Variants in EYS observed in about 807,000 individuals in gnomAD.
EYS encodes protein eyes shut homolog.
EYS carries 250 observed loss-of-function variants against 282.1 expected under a neutral mutation model. That is an observed-to-expected ratio of 0.89 (90% CI 0.80 to 0.98). EYS has a LOEUF of 0.98. Ranked by LOEUF, EYS falls within the 50% of genes least tolerant of loss-of-function variation. EYS has a pLI of 0.00. For missense variants in EYS, 4,016 were observed against 3,709.0 expected, an observed-to-expected ratio of 1.08 and a Z score of -2.15; for synonymous variants, 1,355 against 1,282.9, an observed-to-expected ratio of 1.06 and a Z score of -1.20.
intron 9 of EYS, among the ~76,000 whole-genome samples, chr6:65,351,692 C>T (rs1038930293): frequency 2.6e-5 from 4 of 151,706 alleles, no homozygotes; most frequent in South Asian, 4.1e-4. Flanking sequence ...AGTGCAAAAA[C>T]GATGCAAGCA....
At chr6:64,543,716 A>G (rs1455632597) in intron 26 of EYS, among the ~76,000 whole-genome samples, 1 of 152,144 alleles carries the variant, frequency 6.6e-6, no homozygotes, top group African/African-American at 2.4e-5. Context: ...TCTCACTTAC[A>G]CACTAGTTAT....
intron 26 of EYS, among the ~76,000 whole-genome samples, chr6:64,569,254 T>A (rs1765647567): frequency 6.6e-6 from 1 of 151,894 alleles, no homozygotes; most frequent in African/African-American, 2.4e-5. Context: ...GAAAAAAGGT[T>A]AGCGGGATTG....
chr6:65,464,456 G>T (rs1231891169), intron 5 of EYS, among the ~76,000 whole-genome samples: 1 of 152,110 alleles, frequency 6.6e-6, no homozygotes, highest in Admixed American at 6.6e-5. Flanking sequence ...TGTGAAAACT[G>T]AAAATAAGAC....
chr6:64,779,570 C>T (rs1773794176), intron 22 of EYS, among the ~76,000 whole-genome samples: 1 of 151,982 alleles, frequency 6.6e-6, no homozygotes, highest in Non-Finnish European at 1.5e-5. Context: ...GGATACATGC[C>T]ATTATACATT....
chr6:65,414,903 G>A (rs1318401569), intron 5 of EYS, among the ~76,000 whole-genome samples: 1 of 152,026 alleles, frequency 6.6e-6, no homozygotes, highest in African/African-American at 2.4e-5. Context: ...GCAGAGTTGT[G>A]CTATCAATGT....
intron 2 of EYS, among the ~76,000 whole-genome samples, chr6:65,610,308 AG>A (rs1307589356): frequency 6.6e-6 from 1 of 151,652 alleles, no homozygotes; most frequent in Non-Finnish European, 1.5e-5. Context: ...AACATATCAG[AG>A]TTTGTCTACT....
At chr6:64,187,139 C>G (rs1235964611) in intron 31 of EYS, among the ~76,000 whole-genome samples, 1 of 152,052 alleles carries the variant, frequency 6.6e-6, no homozygotes, top group Admixed American at 6.6e-5. Flanking sequence ...TGTTAGCTTC[C>G]TCTTCCCCAA....
chr6:63,946,946 C>G (rs758348680), intron 35 of EYS, among the ~76,000 whole-genome samples: 2 of 150,760 alleles, frequency 1.3e-5, no homozygotes, highest in Non-Finnish European at 3.0e-5. Context: ...TCATATACCC[C>G]ATAAATATAT....
At chr6:63,766,537 G>A (rs1769792960) in intron 40 of EYS, among the ~76,000 whole-genome samples, 1 of 152,036 alleles carries the variant, frequency 6.6e-6, no homozygotes, top group Non-Finnish European at 1.5e-5. Flanking sequence ...GGTTGAAGTA[G>A]ATGTGAGAGG....
chr6:64,521,013 G>A (rs1777717398), intron 26 of EYS, among the ~76,000 whole-genome samples: 1 of 151,736 alleles, frequency 6.6e-6, no homozygotes, highest in Admixed American at 6.6e-5. Flanking sequence ...AAGGATCAGA[G>A]ACCCTCATCC....
intron 22 of EYS, among the ~76,000 whole-genome samples, chr6:64,682,189 C>A (rs1332456730): frequency 2.0e-5 from 3 of 152,120 alleles, no homozygotes; most frequent in African/African-American, 7.2e-5. Flanking sequence ...AGGGTGAAAT[C>A]CTGTCTCTAC....
intron 5 of EYS, among the ~76,000 whole-genome samples, chr6:65,485,970 T>C (rs986831189): frequency 2.6e-5 from 4 of 152,216 alleles, no homozygotes; most frequent in Admixed American, 6.5e-5. Context: ...GGTAGTGCCA[T>C]TGGGAATTTG....
chr6:65,316,991 A>G (rs1204153201), intron 11 of EYS, among the ~76,000 whole-genome samples: 2 of 152,148 alleles, frequency 1.3e-5, no homozygotes, highest in Admixed American at 1.3e-4. Context: ...AAAAGACTAT[A>G]TTCTGTGTGG....
intron 22 of EYS, among the ~76,000 whole-genome samples, chr6:64,670,026 C>T (rs1188481344): frequency 6.6e-6 from 1 of 152,094 alleles, no homozygotes; most frequent in East Asian, 1.9e-4. Flanking sequence ...GCTTTACAAC[C>T]TAGGACTAAG....
intron 30 of EYS, among the ~76,000 whole-genome samples, chr6:64,260,573 G>C (rs956646641): frequency 1.3e-5 from 2 of 151,978 alleles, no homozygotes; most frequent in Non-Finnish European, 2.9e-5. Context: ...CTATACTGAT[G>C]ATTTGAATAT....
At chr6:65,111,610 C>G (rs548133627) in intron 12 of EYS, among the ~76,000 whole-genome samples, 3 of 152,028 alleles carry the variant, frequency 2.0e-5, no homozygotes, top group Non-Finnish European at 4.4e-5. Context: ...CCTATTGGGA[C>G]GCCAAGGCAG....
chr6:63,860,387 G>A (rs1206313332), intron 36 of EYS, among the ~76,000 whole-genome samples: 3 of 152,228 alleles, frequency 2.0e-5, no homozygotes, highest in East Asian at 3.8e-4. Flanking sequence ...GCCTGCTAAA[G>A]CTTGTACTCT....
intron 26 of EYS, among the ~76,000 whole-genome samples, chr6:64,522,050 C>A (rs1777758012): frequency 6.6e-6 from 1 of 151,670 alleles, no homozygotes. Context: ...ATCTCTAGGA[C>A]AACAGAATGT....
intron 22 of EYS, among the ~76,000 whole-genome samples, chr6:64,717,204 A>C (rs1771426883): frequency 6.6e-6 from 1 of 152,178 alleles, no homozygotes. Flanking sequence ...TCAGATTCTG[A>C]CTTAAATCCT....
Sources: allele counts gnomAD v4.1 joint callset (sites outside exome capture counted in the v4.1 genomes callset), GRCh38; gene constraint gnomAD v4.1.1; transcripts MANE v1.5; gene names NCBI Gene and HGNC (gene_info 2026-07-23, HGNC 2026-07-21).